Variants in SUMF1 observed in about 807,000 individuals in gnomAD.
SUMF1 encodes the protein formylglycine-generating enzyme.
A neutral mutation model predicts 47.6 loss-of-function variants in SUMF1; 48 were observed. That is an observed-to-expected ratio of 1.01 (90% CI 0.80 to 1.28). The LOEUF is 1.28. Among genes scored for constraint, SUMF1 ranks in the 50% most tolerant of loss-of-function variants. SUMF1 has a pLI of 0.00. For synonymous variants in SUMF1, 230 were observed against 192.1 expected, an observed-to-expected ratio of 1.20 and a Z score of -1.63; for missense variants, 571 against 485.4, an observed-to-expected ratio of 1.18 and a Z score of -1.66.
At chr3:4,369,195 T>G (rs1335800835) in intron 8 of SUMF1, among the ~76,000 whole-genome samples, 1 of 152,184 alleles carries the variant, frequency 6.6e-6, no homozygotes, top group African/African-American at 2.4e-5. Flanking sequence ...CTATAGATAG[T>G]GAAATGATAG....
intron 9 of SUMF1, among the ~76,000 whole-genome samples, chr3:4,064,819 C>T (rs1391867428): frequency 6.6e-6 from 1 of 152,122 alleles, no homozygotes; most frequent in Non-Finnish European, 1.5e-5. Flanking sequence ...TACGCTTCAG[C>T]CATATTTTAA....
intron 9 of SUMF1, among the ~76,000 whole-genome samples, chr3:4,058,070 C>T (rs1314175098): frequency 1.3e-5 from 2 of 152,052 alleles, no homozygotes; most frequent in Non-Finnish European, 2.9e-5. Context: ...TAAATCATCC[C>T]AGTATCCATG....
Position 4,361,908 on chromosome 3 carries a change from G to A in SUMF1, c.*236C>T, listed in dbSNP as rs1436719134. Reference sequence around the variant, plus strand: ...CCCTCCACTCCCCTTCCTCTTTAAAGACTCTCAAAAGTAAAATATGGTGAT... The same window carrying A: ...CCCTCCACTCCCCTTCCTCTTTAAAAACTCTCAAAAGTAAAATATGGTGAT... On this transcript the variant is annotated 3_prime_UTR_variant, in exon 9 of 9. Coordinates refer to ENST00000272902, the MANE Select transcript of SUMF1 (RefSeq NM_182760.4). 1.9e-6 allele frequency: 1 copy of A among 517,512 alleles called. No individual in the cohort carries two copies. The highest frequency in any genetic ancestry group is 3.5e-6 in the Non-Finnish European group (1 of 284,756). The allele number at this position is 517,512 out of a possible 1,614,324, so 32.1% of individuals were successfully genotyped here. A position where few individuals can be genotyped will look rare whatever the true frequency, so the allele number is the denominator to read the frequency against.
intron 8 of SUMF1, among the ~76,000 whole-genome samples, chr3:4,185,049 T>C (rs1695172845): frequency 6.6e-6 from 1 of 152,180 alleles, no homozygotes; most frequent in South Asian, 2.1e-4. Flanking sequence ...GAGATTTTGT[T>C]GGTAAAATTT....
At chr3:4,351,515 G>T (rs146279256) in intron 8 of SUMF1, among the ~76,000 whole-genome samples, 1 of 152,156 alleles carries the variant, frequency 6.6e-6, no homozygotes, top group Non-Finnish European at 1.5e-5. Flanking sequence ...GTCTTTATCA[G>T]CCACATTCTT....
chr3:4,223,353 T>C (rs571803620), intron 8 of SUMF1, among the ~76,000 whole-genome samples: 1 of 152,266 alleles, frequency 6.6e-6, no homozygotes, highest in African/African-American at 2.4e-5. Context: ...TGTGCCTCTG[T>C]TTCCTCAGCA....
At chr3:4,234,368 T>C (rs570578866) in intron 8 of SUMF1, among the ~76,000 whole-genome samples, 2 of 152,120 alleles carry the variant, frequency 1.3e-5, no homozygotes, top group Non-Finnish European at 2.9e-5. Flanking sequence ...CAAGCAGCAA[T>C]TGGAAACTTT....
chr3:4,194,675 C>T (rs1695390925), intron 8 of SUMF1, among the ~76,000 whole-genome samples: 1 of 152,152 alleles, frequency 6.6e-6, no homozygotes, highest in African/African-American at 2.4e-5. Context: ...TGGCACATTG[C>T]CTTGCACAGC....
chr3:4,065,580 A>G (rs542332662), intron 9 of SUMF1, among the ~76,000 whole-genome samples: 1 of 152,230 alleles, frequency 6.6e-6, no homozygotes, highest in South Asian at 2.1e-4. Context: ...CACATACATT[A>G]TCTCATTTAT....
chr3:4,355,683 C>T (rs907864932), intron 8 of SUMF1, among the ~76,000 whole-genome samples: 1 of 152,224 alleles, frequency 6.6e-6, no homozygotes, highest in African/African-American at 2.4e-5. Flanking sequence ...AAGAGTTGCT[C>T]TGATCAGTCT....
intron 8 of SUMF1, among the ~76,000 whole-genome samples, chr3:4,094,725 T>G (rs574365929): frequency 1.3e-5 from 2 of 152,058 alleles, no homozygotes; most frequent in African/African-American, 4.8e-5. Context: ...AGTGAGAAGG[T>G]TGAACAGTGG....
intron 8 of SUMF1, among the ~76,000 whole-genome samples, chr3:4,322,568 G>A (rs1457475435): frequency 6.6e-6 from 1 of 151,980 alleles, no homozygotes; most frequent in East Asian, 1.9e-4. Flanking sequence ...TCTGAAGCAG[G>A]AGGATCCCTT....
Position 4,411,825 on chromosome 3 carries a change from T to C in SUMF1, c.841-847A>G, listed in dbSNP as rs991697625. ...GGAAATTCTCAAACATAAAGAAAAA[T>C]TTCATTTTTAAAATGAAAAAAATAT... On this transcript the variant is annotated intron_variant, in intron 6 of 8. Coordinates refer to ENST00000272902, the MANE Select transcript of SUMF1 (RefSeq NM_182760.4). Among the ~76,000 whole-genome samples, 22 of 151,788 alleles carry C rather than the reference T, an allele frequency of 1.4e-4. 1 individual carries two copies. The South Asian group carries it at 2.9e-3, about 20-fold the overall frequency.
At chr3:4,350,671 A>G (rs1240239871) in intron 8 of SUMF1, among the ~76,000 whole-genome samples, 1 of 152,208 alleles carries the variant, frequency 6.6e-6, no homozygotes, top group Admixed American at 6.5e-5. Flanking sequence ...TCTTAATTAA[A>G]GCAGTAGAAG....
At chr3:4,157,449 G>C (rs1694480262) in intron 8 of SUMF1, among the ~76,000 whole-genome samples, 1 of 151,486 alleles carries the variant, frequency 6.6e-6, no homozygotes, top group South Asian at 2.1e-4. Flanking sequence ...ATTTCATGTA[G>C]AAAGTGATTT....
chr3:4,419,566 T>C (rs907048598), intron 4 of SUMF1, among the ~76,000 whole-genome samples: 3 of 152,170 alleles, frequency 2.0e-5, no homozygotes, highest in African/African-American at 7.2e-5. Flanking sequence ...GCTGACCGAC[T>C]TGGCTCTCTG....
intron 8 of SUMF1, among the ~76,000 whole-genome samples, chr3:4,110,766 T>C (rs1693281299): frequency 6.9e-6 from 1 of 145,318 alleles, no homozygotes; most frequent in Admixed American, 7.2e-5. Flanking sequence ...CACCGCATGT[T>C]CTCACTCATA....
chr3:4,379,007 T>C (rs906687922), intron 7 of SUMF1, among the ~76,000 whole-genome samples: 1 of 152,224 alleles, frequency 6.6e-6, no homozygotes, highest in African/African-American at 2.4e-5. Flanking sequence ...CAAGTAGTAA[T>C]GACAGTCATC....
chr3:4,247,925 AGTCTC>A (rs1559609898), intron 8 of SUMF1, among the ~76,000 whole-genome samples: 1 of 152,210 alleles, frequency 6.6e-6, no homozygotes, highest in Non-Finnish European at 1.5e-5. Flanking sequence ...GATCTCTCTG[AGTCTC>A]AATCCCCTCA....
Sources: gnomAD v4.1 joint callset for allele counts (sites outside exome capture counted in the v4.1 genomes callset) on GRCh38, gnomAD v4.1.1 for gene constraint, MANE v1.5 for transcripts, NCBI Gene and HGNC (gene_info 2026-07-23, HGNC 2026-07-21) for gene names.